MINDY4: variants seen among roughly 807,000 people sequenced by gnomAD.
The protein encoded by MINDY4 is MINDY lysine 48 deubiquitinase 4, also known as probable ubiquitin carboxyl-terminal hydrolase MINDY-4.
Under a neutral mutation model 87.0 loss-of-function variants are expected in MINDY4, and 68 were observed. The observed-to-expected ratio is 0.78, with a 90% CI of 0.64 to 0.96. The LOEUF (loss-of-function observed/expected upper bound fraction) is 0.96. Among genes scored for constraint, MINDY4 ranks in the 40% least tolerant of loss-of-function variants. The pLI, the probability that MINDY4 is intolerant of heterozygous loss-of-function variation, is 0.00. For missense variants in MINDY4, 919 were observed against 928.2 expected, an observed-to-expected ratio of 0.99 and a Z score of 0.13; for synonymous variants, 379 against 363.2, an observed-to-expected ratio of 1.04 and a Z score of -0.50.
At chr7:30,812,798 T>C (rs1249585250) in intron 5 of MINDY4, among the ~76,000 whole-genome samples, 1 of 152,160 alleles carries the variant, frequency 6.6e-6, no homozygotes, top group African/African-American at 2.4e-5. Flanking sequence ...GGGGCTGGAA[T>C]CCTCACCCAG....
intron 8 of MINDY4, 32 bp from the exon 9 acceptor site, chr7:30,840,728 C>A (rs1180400370): frequency 3.1e-6 from 5 of 1,601,912 alleles, no homozygotes; most frequent in Non-Finnish European, 4.3e-6. Flanking sequence ...CAGGCCAGTT[C>A]TCACTGGCAG....
At chr7:30,822,278 A>G (rs1788357798) in intron 5 of MINDY4, among the ~76,000 whole-genome samples, 1 of 151,932 alleles carries the variant, frequency 6.6e-6, no homozygotes, top group Admixed American at 6.6e-5. Context: ...CCCAGATTCA[A>G]GGGATCCTCC....
intron 5 of MINDY4, among the ~76,000 whole-genome samples, chr7:30,817,494 G>A (rs370992066): frequency 6.5e-4 from 99 of 151,614 alleles, no homozygotes; most frequent in African/African-American, 2.3e-3. Flanking sequence ...TCATTCATGA[G>A]AGCTGTTGAA....
chr7:30,863,362 T>A (rs543415873), intron 13 of MINDY4, among the ~76,000 whole-genome samples: 1 of 152,248 alleles, frequency 6.6e-6, no homozygotes, highest in African/African-American at 2.4e-5. Flanking sequence ...GGTGTGATAG[T>A]GTGTGTGCGG....
In MINDY4 at chr7:30,820,650, A is replaced by G. The variant is rs147724589; in HGVS notation, c.1074-8029A>G. ...AACATAATGTTTTTGAGGTTCATCC[A>G]TATTGTAGCATGTATCCGTACCTCA... is the stretch of plus-strand genomic sequence containing the variant. On this transcript the variant is annotated intron_variant, in intron 5 of 17. Coordinates refer to ENST00000265299, the MANE Select transcript of MINDY4 (RefSeq NM_032222.3). Among the ~76,000 whole-genome samples, 5 of 152,302 alleles carry G rather than the reference A, an allele frequency of 3.3e-5. No homozygotes were observed. In the East Asian group the frequency reaches 9.6e-4, roughly 29 times the overall value.
At chr7:30,849,283 C>T (rs1469975505) in intron 9 of MINDY4, among the ~76,000 whole-genome samples, 1 of 152,166 alleles carries the variant, frequency 6.6e-6, no homozygotes, top group Non-Finnish European at 1.5e-5. Flanking sequence ...GGCAGAGAAC[C>T]CCCTCCTCTG....
At chr7:30,775,711 C>T (rs1377766158) in intron 1 of MINDY4, among the ~76,000 whole-genome samples, 2 of 152,192 alleles carry the variant, frequency 1.3e-5, no homozygotes, top group African/African-American at 2.4e-5. Flanking sequence ...TCCCCATCCA[C>T]TAGTCATCAC....
chr7:30,859,518 C>T (rs185785672), intron 13 of MINDY4, among the ~76,000 whole-genome samples, 194 bp downstream of exon 13: 8 of 152,330 alleles, frequency 5.3e-5, no homozygotes, highest in East Asian at 1.9e-4. Flanking sequence ...TACATATACA[C>T]GTGTCCAGGG....
intron 4 of MINDY4, 94 bp downstream of exon 4, chr7:30,786,086 G>A: frequency 6.6e-7 from 1 of 1,517,366 alleles, no homozygotes; most frequent in Non-Finnish European, 8.9e-7. Flanking sequence ...GTACCCCACA[G>A]GGCAGTCCGA....
In MINDY4 at chr7:30,791,458, C is replaced by T; in HGVS notation, c.957C>T (p.Ser319=). The T allele has an allele frequency of 1.2e-6, 2 of 1,614,108 alleles. No homozygotes were observed. The highest frequency in any genetic ancestry group is 1.7e-6 in the Non-Finnish European group (2 of 1,180,014). The change falls in exon 5 of 18, where the codon AGC becomes AGT. Residue 319 remains serine, a synonymous_variant. Coordinates refer to ENST00000265299, the MANE Select transcript of MINDY4 (RefSeq NM_032222.3). ...PSEDTPAVDG[S]TDTDRMPLKL... ...AGGACACCCCAGCAGTGGACGGCAG[C>T]ACAGACACGGACAGGATGCCCTTGA...
intron 5 of MINDY4, among the ~76,000 whole-genome samples, chr7:30,818,440 T>C (rs1269654782): frequency 2.0e-5 from 3 of 152,256 alleles, no homozygotes; most frequent in African/African-American, 7.2e-5. Flanking sequence ...GTGCTATTCC[T>C]AGTACTTGAT....
At chr7:30,882,894 T>C (rs1214323986) in intron 16 of MINDY4, 27 bp from the exon 17 acceptor site, 6 of 1,458,998 alleles carry the variant, frequency 4.1e-6, no homozygotes, top group Non-Finnish European at 5.5e-6. Flanking sequence ...CTGGGTGACA[T>C]GTGTGTGCCT....
rs79479535 is a variant in MINDY4, at chr7:30,875,922, C to T, written c.1971+266C>T. ...AGGGATTTCTGCCGTGATTGTGGGT[C>T]ACAGTGGCTGCAGCTGGTGTCTGTG... On this transcript the variant is annotated intron_variant, in intron 15 of 17. Coordinates refer to ENST00000265299, the MANE Select transcript of MINDY4 (RefSeq NM_032222.3). 4.6e-5 allele frequency among the ~76,000 whole-genome samples: 7 copies of T among 152,306 alleles called. No individual in the cohort carries two copies. The East Asian group carries it at 9.7e-4, about 21-fold the overall frequency.
At chr7:30,786,595 C>T (rs1474268606) in intron 4 of MINDY4, 5 of 147,854 alleles carry the variant, frequency 3.4e-5, no homozygotes, top group Non-Finnish European at 7.4e-5. Flanking sequence ...TGACTGTACT[C>T]TGGCCTGGGC....
At position 30,859,305 on chromosome 7, in the gene MINDY4, C is replaced by A. The variant is rs745652613; in HGVS notation, c.1726C>A (p.Leu576Met). The A allele has an allele frequency of 1.2e-6, 2 of 1,614,132 alleles. No homozygotes were observed. The highest frequency in any genetic ancestry group is 2.2e-5 in the South Asian group (2 of 91,082). ...GCILLTLSAI[L>M]SRSTELIRQD... ...CATCCTGCTCACCCTTTCTGCCATCCTGTCCAGGTCTACAGAGCTGTGAGT... is the reference window on the plus strand; with the variant it reads ...CATCCTGCTCACCCTTTCTGCCATCATGTCCAGGTCTACAGAGCTGTGAGT... The change falls in exon 13 of 18, where the codon CTG becomes ATG. Residue 576 changes from leucine to methionine, a missense_variant. Leu to Met is a conservative substitution (Grantham distance 15, BLOSUM62 2). Transcript: ENST00000265299.
intron 13 of MINDY4, 120 bp from the exon 14 acceptor site, chr7:30,872,123 C>T: frequency 2.2e-6 from 2 of 921,692 alleles, no homozygotes; most frequent in Non-Finnish European, 1.7e-6. Flanking sequence ...GCTCAGGTTC[C>T]CACCAAATCT....
In MINDY4 at chr7:30,875,557, G is replaced by A. The variant is rs780701349; in HGVS notation, c.1872G>A (p.Glu624=). The A allele has an allele frequency of 2.5e-6, 4 of 1,614,238 alleles. No homozygotes were observed. The East Asian group carries it at 6.7e-5, about 27-fold the overall frequency. The part of the protein sequence containing the change: ...AVSNVFNDVV[E]LDSGDGNITL... ...CCAACGTTTTCAACGATGTGGTTGAGCTGGATTCTGGGGATGGGAACATCA... is the reference window on the plus strand; with the variant it reads ...CCAACGTTTTCAACGATGTGGTTGAACTGGATTCTGGGGATGGGAACATCA... Residue 624 remains glutamate, a synonymous_variant, in exon 15 of 18, where the codon GAG becomes GAA. Transcript: ENST00000265299.
chr7:30,798,688 C>T (rs1023671132), intron 5 of MINDY4, among the ~76,000 whole-genome samples: 8 of 152,122 alleles, frequency 5.3e-5, no homozygotes, highest in Non-Finnish European at 1.0e-4. Flanking sequence ...TTAGTAGAGA[C>T]GGGGTTTCAC....
At chr7:30,870,981 A>T (rs1398091086) in intron 13 of MINDY4, among the ~76,000 whole-genome samples, 1 of 148,650 alleles carries the variant, frequency 6.7e-6, no homozygotes, top group Non-Finnish European at 1.5e-5. Context: ...TCTCAGGGTA[A>T]TGTGTGCCCC....
Sources: gnomAD v4.1 joint callset for allele counts (sites outside exome capture counted in the v4.1 genomes callset) on GRCh38, gnomAD v4.1.1 for gene constraint, MANE v1.5 for transcripts, NCBI Gene and HGNC (gene_info 2026-07-23, HGNC 2026-07-21) for gene names.